NUP42: variants seen among roughly 807,000 people sequenced by gnomAD.
NUP42 encodes nucleoporin NUP42.
A neutral mutation model predicts 35.9 loss-of-function variants in NUP42; 47 were observed. The observed-to-expected ratio is 1.31, with a 90% confidence interval of 1.04 to 1.67. The LOEUF is 1.67. Among genes scored for constraint, NUP42 ranks in the 40% most tolerant of loss-of-function variants. The pLI is 0.00. For missense variants in NUP42, 514 were observed against 492.2 expected, an observed-to-expected ratio of 1.04 and a Z score of -0.42; for synonymous variants, 173 against 173.3, an observed-to-expected ratio of 1.00 and a Z score of 0.01.
At chr7:23,199,336 G>A (rs1449619033) in intron 5 of NUP42, 122 bp from the exon 6 acceptor site, 8 of 748,050 alleles carry the variant, frequency 1.1e-5, no homozygotes, top group African/African-American at 5.3e-5. Flanking sequence ...ACAGGTGTGA[G>A]CCACCACACC....
intron 1 of NUP42, among the ~76,000 whole-genome samples, chr7:23,183,903 T>G (rs1265187609): frequency 2.0e-5 from 3 of 150,472 alleles, no homozygotes; most frequent in Non-Finnish European, 4.4e-5. Context: ...TTTTTTTTTT[T>G]TTAGGGTAGT....
At chr7:23,182,254 G>C in intron 1 of NUP42, 48 bp downstream of exon 1, 1 of 1,554,682 alleles carries the variant, frequency 6.4e-7, no homozygotes. Flanking sequence ...GGAAGGGTCC[G>C]CCGGCGGGGA....
intron 3 of NUP42, among the ~76,000 whole-genome samples, chr7:23,189,536 G>C (rs550275579): frequency 1.1e-4 from 16 of 152,242 alleles, no homozygotes; most frequent in African/African-American, 3.9e-4. Context: ...GATCACTTGA[G>C]TTCAAGAGTT....
At chr7:23,200,126 A>G (rs756227242) in intron 6 of NUP42, 42 bp from the exon 7 acceptor site, 37 of 1,324,578 alleles carry the variant, frequency 2.8e-5, no homozygotes, top group Admixed American at 2.1e-4. Flanking sequence ...TCTGACCGTA[A>G]TAGATTTTTG....
chr7:23,187,934 CTG>C, intron 3 of NUP42: 1 of 359,712 alleles, frequency 2.8e-6, no homozygotes, highest in Non-Finnish European at 5.1e-6. Flanking sequence ...AGAATATTCT[CTG>C]TCTCTCTCTC....
chr7:23,188,340 T>C, intron 3 of NUP42: 2 of 1,128,950 alleles, frequency 1.8e-6, no homozygotes. Flanking sequence ...CCCTTCCTTA[T>C]GAATCTTACA....
At chr7:23,182,444 A>G (rs1785440692) in intron 1 of NUP42, 1 of 1,332,394 alleles carries the variant, frequency 7.5e-7, no homozygotes, top group Non-Finnish European at 9.6e-7. Flanking sequence ...TGCTTGTGCG[A>G]AACTGAGTTT....
chr7:23,200,220 A>G lies in NUP42; in HGVS notation c.747A>G (p.Lys249=), dbSNP rs1479343767. 1.2e-6 allele frequency: 2 copies of G among 1,603,962 alleles called. No homozygotes were observed. Among genetic ancestry groups the G allele is most frequent in the East Asian group, 4.5e-5 (2 of 44,866 alleles). The change falls in exon 7 of 7, where the codon AAA becomes AAG. Residue 249 remains lysine (K), a synonymous_variant. Transcript: ENST00000258742. ...SSDNAQNFSF[K]TNSGFAAASS... Reference sequence around the variant, plus strand: ...ATAATGCTCAGAACTTTAGTTTTAAAACAAACTCTGGATTTGCTGCTGCCT... The same window carrying G: ...ATAATGCTCAGAACTTTAGTTTTAAGACAAACTCTGGATTTGCTGCTGCCT...
intron 4 of NUP42, 75 bp from the exon 5 acceptor site, chr7:23,196,605 A>G: frequency 9.4e-7 from 1 of 1,059,982 alleles, no homozygotes; most frequent in South Asian, 1.3e-5. Context: ...GCAAAGAAGT[A>G]TGTGAAGTTT....
In NUP42 at chr7:23,185,101, C is replaced by G. The variant is rs756190102; in HGVS notation, c.153C>G (p.Ser51Arg). Residue 51 changes from serine to arginine, a missense_variant, in exon 2 of 7, where the codon AGC (serine) becomes AGG (arginine). Physicochemically the swap from Ser to Arg is moderately radical, Grantham distance 110. Transcript: ENST00000258742. ...GNNRRGWNTT[S>R]QRYSNVIQPS... is the part of the protein sequence containing the mutation. ...ATAGACGTGGATGGAATACAACTAG[C>G]CAGAGATATTCCAATGTCATCCAGC... 6.2e-7 allele frequency: 1 copy of G among 1,613,892 alleles called. No homozygotes were observed. Among genetic ancestry groups the G allele is most frequent in the African/African-American group, 1.3e-5 (1 of 74,904 alleles).
At chr7:23,184,365 C>T (rs1338452416) in intron 1 of NUP42, among the ~76,000 whole-genome samples, 1 of 152,056 alleles carries the variant, frequency 6.6e-6, no homozygotes, top group Non-Finnish European at 1.5e-5. Flanking sequence ...AGTATAGGGC[C>T]TGGTGGGGGA....
At position 23,200,350 on chromosome 7, in the gene NUP42, C is replaced by G. The variant is rs773653043; in HGVS notation, c.877C>G (p.Pro293Ala). The change falls in exon 7 of 7, where the codon CCT (proline) becomes GCT (alanine). Residue 293 changes from proline to alanine, a missense_variant. Physicochemically the swap from Pro to Ala is conservative, Grantham distance 27. Coordinates refer to ENST00000258742, the MANE Select transcript of NUP42 (RefSeq NM_007342.3). The part of the protein sequence containing the change: ...TSAPAFGFGK[P>A]EVTSAASFSF... ...TGCTCCAGCTTTTGGATTTGGGAAGCCTGAAGTCACATCGGCTGCATCATT... is the reference window on the plus strand; with the variant it reads ...TGCTCCAGCTTTTGGATTTGGGAAGGCTGAAGTCACATCGGCTGCATCATT... The G allele has an allele frequency of 4.7e-5, 76 of 1,612,228 alleles. 1 individual carries two copies. The Admixed American group carries it at 1.2e-3, about 26-fold the overall frequency.
intron 5 of NUP42, among the ~76,000 whole-genome samples, chr7:23,197,920 A>G (rs1174348881): frequency 6.6e-6 from 1 of 151,930 alleles, no homozygotes; most frequent in Non-Finnish European, 1.5e-5. Context: ...AGTGATAGAA[A>G]GCAGACAGAG....
intron 1 of NUP42, 119 bp downstream of exon 1, chr7:23,182,325 C>T (rs1368572434): frequency 5.4e-6 from 8 of 1,489,806 alleles, no homozygotes; most frequent in South Asian, 1.3e-5. Context: ...CGCGGCCTTG[C>T]CGGCCCTACT....
rs7797523 is a variant in NUP42 at position 23,188,932 on chromosome 7, A to G, written c.445+1786A>G. Among the ~76,000 whole-genome samples the G allele has an allele frequency of 2.7e-3, 413 of 152,360 alleles. 2 individuals carry two copies. The highest frequency in any genetic ancestry group is 8.7e-3 in the African/African-American group (361 of 41,594). ...AGATGTCACAATAAAAAAATGTTTA[A>G]TGCCATTTGAACTTAAGAACTTCCT... On this transcript the variant is annotated intron_variant, in intron 3 of 6. Transcript: ENST00000258742.
In NUP42 at chr7:23,185,786, C is replaced by G. The variant is rs148563523; in HGVS notation, c.350+488C>G. On this transcript the variant is annotated intron_variant, in intron 2 of 6. Transcript: ENST00000258742. ...ACGGAGTCTTGCTCTGTTGCCCAGG[C>G]TAGAGTGCAGTGGTACAATCTCGGC... is the stretch of plus-strand genomic sequence containing the variant. 1.5e-3 allele frequency among the ~76,000 whole-genome samples: 222 copies of G among 152,290 alleles called. 1 individual carries two copies. Among genetic ancestry groups the G allele is most frequent in the African/African-American group, 3.9e-3 (161 of 41,554 alleles).
intron 5 of NUP42, among the ~76,000 whole-genome samples, chr7:23,198,873 A>G (rs898886732): frequency 4.6e-5 from 7 of 152,234 alleles, no homozygotes; most frequent in African/African-American, 1.7e-4. Flanking sequence ...TTTTCTGATT[A>G]TAATATCTGC....
rs781434474 is a variant in NUP42 at position 23,199,425 on chromosome 7, G to A, written c.610-33G>A. On this transcript the variant is annotated intron_variant, in intron 5 of 6. Coordinates refer to ENST00000258742, the MANE Select transcript of NUP42 (RefSeq NM_007342.3). ...AAGATACTGGAGCACTATTCATCAA[G>A]CACTTTATTATTTGCACACTTTTTT... The A allele has an allele frequency of 5.2e-6, 8 of 1,539,336 alleles. No individual in the cohort carries two copies. In the Admixed American group the frequency reaches 1.2e-4, roughly 22 times the overall value.
At chr7:23,191,303 G>C (rs950571611) in intron 3 of NUP42, among the ~76,000 whole-genome samples, 18 of 152,174 alleles carry the variant, frequency 1.2e-4, no homozygotes, top group African/African-American at 3.6e-4. Context: ...GCTGTGTGAG[G>C]GGGGAGAAAG....
Sources: allele counts gnomAD v4.1 joint callset (sites outside exome capture counted in the v4.1 genomes callset), GRCh38; gene constraint gnomAD v4.1.1; transcripts MANE v1.5; gene names NCBI Gene and HGNC (gene_info 2026-07-23, HGNC 2026-07-21).